The following KIF26B variants were observed in gnomAD, a reference collection of about 807,000 sequenced individuals.
KIF26B encodes kinesin-like protein KIF26B.
Under a neutral mutation model 151.2 loss-of-function variants are expected in KIF26B, and 63 were observed. The ratio of observed to expected loss-of-function variants is 0.42; its 90% CI spans 0.34 to 0.51. The LOEUF (loss-of-function observed/expected upper bound fraction) is 0.51, where lower values mean the gene tolerates loss of function less well. KIF26B is among the 20% of genes least tolerant of loss of function. The pLI is 0.07. For missense variants in KIF26B, 2,813 were observed against 2,913.6 expected, an observed-to-expected ratio of 0.97 and a Z score of 0.79; for synonymous variants, 1,357 against 1,262.1, an observed-to-expected ratio of 1.08 and a Z score of -1.59.
chr1:245,380,705 G>T (rs985981776), intron 3 of KIF26B, among the ~76,000 whole-genome samples: 1 of 152,096 alleles, frequency 6.6e-6, no homozygotes. Flanking sequence ...GCCCCTCTCT[G>T]GAGGGAAGGG....
chr1:245,548,067 C>G (rs1406769794), intron 5 of KIF26B, among the ~76,000 whole-genome samples: 2 of 152,140 alleles, frequency 1.3e-5, no homozygotes, highest in Non-Finnish European at 2.9e-5. Flanking sequence ...GTTTCAGGGA[C>G]CTGACGCCTT....
chr1:245,277,813 A>G (rs1670965691), intron 2 of KIF26B, among the ~76,000 whole-genome samples: 1 of 152,108 alleles, frequency 6.6e-6, no homozygotes, highest in African/African-American at 2.4e-5. Context: ...GTAGAACTGC[A>G]GGGAGGATGG....
chr1:245,624,735 T>TTTTTA (rs2043704817), intron 9 of KIF26B, among the ~76,000 whole-genome samples: 1 of 152,176 alleles, frequency 6.6e-6, no homozygotes, highest in Admixed American at 6.5e-5. Flanking sequence ...AATACTTGTT[T>TTTTTA]TTTTATGAAG....
intron 2 of KIF26B, among the ~76,000 whole-genome samples, chr1:245,245,963 A>G (rs1241242844): frequency 6.7e-6 from 1 of 148,906 alleles, no homozygotes; most frequent in Non-Finnish European, 1.5e-5. Context: ...ATGATGGCAG[A>G]TGCTTGTAGT....
intron 2 of KIF26B, among the ~76,000 whole-genome samples, chr1:245,160,273 T>C (rs558525899): frequency 1.3e-5 from 2 of 152,342 alleles, no homozygotes; most frequent in African/African-American, 4.8e-5. Context: ...TCTCTTTTGG[T>C]GCCGGTGAGT....
intron 9 of KIF26B, among the ~76,000 whole-genome samples, chr1:245,614,553 C>A (rs984674341): frequency 1.3e-5 from 2 of 152,240 alleles, no homozygotes; most frequent in Middle Eastern, 3.2e-3. Context: ...ACAGCTGGGG[C>A]TGGAGTTCCT....
intron 9 of KIF26B, among the ~76,000 whole-genome samples, chr1:245,640,143 C>CTCTCTCTCTCTCTCTCTCTCTG: frequency 3.1e-5 from 1 of 31,934 alleles, no homozygotes; most frequent in Admixed American, 3.4e-4. Flanking sequence ...CTCTCTCTCT[C>CTCTCTCTCTCTCTCTCTCTCTG]TATATATATA....
At chr1:245,287,494 C>CTTTTTTTTTTTT (rs1157634485) in intron 2 of KIF26B, among the ~76,000 whole-genome samples, 1 of 113,172 alleles carries the variant, frequency 8.8e-6, no homozygotes. Context: ...TCATCTCTCT[C>CTTTTTTTTTTTT]TCTCTTTTTT....
At chr1:245,345,332 A>G (rs1158460511) in intron 2 of KIF26B, among the ~76,000 whole-genome samples, 4 of 151,996 alleles carry the variant, frequency 2.6e-5, no homozygotes, top group South Asian at 2.1e-4. Flanking sequence ...CCTCACACAC[A>G]GTTGTCTGGG....
chr1:245,384,470 T>C (rs372128637), intron 3 of KIF26B, among the ~76,000 whole-genome samples: 3 of 152,210 alleles, frequency 2.0e-5, no homozygotes, highest in African/African-American at 7.2e-5. Context: ...GTTGCCCAGC[T>C]GGATACTGTG....
intron 10 of KIF26B, among the ~76,000 whole-genome samples, chr1:245,659,381 C>T (rs932600115): frequency 6.6e-6 from 1 of 152,132 alleles, no homozygotes; most frequent in Non-Finnish European, 1.5e-5. Context: ...GGTAGCCTGC[C>T]CAGCTTCCCA....
chr1:245,687,537 C>T lies in KIF26B; in HGVS notation c.4554C>T (p.Pro1518=), dbSNP rs201834576. 10 of 1,569,034 alleles carry T rather than the reference C, an allele frequency of 6.4e-6. No individual in the cohort carries two copies. The highest frequency in any genetic ancestry group is 7.8e-6 in the Non-Finnish European group (9 of 1,157,438). The change falls in exon 12 of 15, where the codon CCC becomes CCT. Residue 1518 remains proline (P), a synonymous_variant. Coordinates refer to ENST00000407071, the MANE Select transcript of KIF26B (RefSeq NM_018012.4). The surrounding 1 kb of genome is among the most constrained non-coding windows in gnomAD (Gnocchi z 4.9). ...TGGATGGGTGTGAGATGGCCCTGCCCGGTTTGGCCACCCAGAGCCCCGTGC... is the reference window on the plus strand; with the variant it reads ...TGGATGGGTGTGAGATGGCCCTGCCTGGTTTGGCCACCCAGAGCCCCGTGC... The part of the protein sequence containing the change: ...RVVDGCEMAL[P]GLATQSPVHP...
At chr1:245,320,869 G>A (rs1273341977) in intron 2 of KIF26B, among the ~76,000 whole-genome samples, 2 of 152,136 alleles carry the variant, frequency 1.3e-5, no homozygotes, top group East Asian at 1.9e-4. Context: ...GTAGAGATGG[G>A]GTTTCATTGT....
chr1:245,406,655 T>C (rs1674141846), intron 3 of KIF26B, among the ~76,000 whole-genome samples: 1 of 152,164 alleles, frequency 6.6e-6, no homozygotes, highest in Non-Finnish European at 1.5e-5. Flanking sequence ...CTTAATCTCA[T>C]TGTCTTTCCC....
At chr1:245,256,714 C>A (rs1008963914) in intron 2 of KIF26B, among the ~76,000 whole-genome samples, 3 of 152,170 alleles carry the variant, frequency 2.0e-5, no homozygotes, top group African/African-American at 7.2e-5. Context: ...GCCTCCTCCC[C>A]TTGGAATTCA....
At chr1:245,455,368 G>C (rs571094612) in intron 4 of KIF26B, among the ~76,000 whole-genome samples, 1 of 152,104 alleles carries the variant, frequency 6.6e-6, no homozygotes, top group Non-Finnish European at 1.5e-5. Context: ...GCTGGGGATG[G>C]TTACACGTGC....
At chr1:245,548,092 G>A (rs1274612926) in intron 5 of KIF26B, among the ~76,000 whole-genome samples, 1 of 152,100 alleles carries the variant, frequency 6.6e-6, no homozygotes, top group African/African-American at 2.4e-5. Context: ...GCACTGATAT[G>A]TGTACATATA....
intron 9 of KIF26B, among the ~76,000 whole-genome samples, chr1:245,617,125 T>C (rs1448079363): frequency 6.6e-6 from 1 of 152,102 alleles, no homozygotes; most frequent in South Asian, 2.1e-4. Flanking sequence ...ACACTGAGTC[T>C]CGCACTGTCA....
intron 2 of KIF26B, among the ~76,000 whole-genome samples, chr1:245,219,371 G>A (rs190336515): frequency 7.9e-5 from 12 of 151,758 alleles, no homozygotes; most frequent in Admixed American, 3.9e-4. Context: ...TGCCTGCCCC[G>A]GCCTCCCAAA....
Sources: allele counts gnomAD v4.1 joint callset (sites outside exome capture counted in the v4.1 genomes callset), GRCh38; gene constraint gnomAD v4.1.1; non-coding constraint Gnocchi (gnomAD v3.1); transcripts MANE v1.5; gene names NCBI Gene and HGNC (gene_info 2026-07-23, HGNC 2026-07-21).